Variants in ME1 observed in about 807,000 individuals in gnomAD.
The protein encoded by ME1 is NADP-dependent malic enzyme.
In ME1, 74 loss-of-function variants were observed where a neutral mutation model predicts 66.4. That is an observed-to-expected ratio of 1.11 (90% CI 0.92 to 1.35). The LOEUF is 1.35. Ranked by LOEUF, ME1 falls within the 40% of genes most tolerant of loss-of-function variation. The probability of loss-of-function intolerance (pLI) is 0.00; values close to 1 mark genes in which losing one functional copy is unlikely to be tolerated. For missense variants in ME1, 750 were observed against 694.1 expected, an observed-to-expected ratio of 1.08 and a Z score of -0.90; for synonymous variants, 251 against 235.6, an observed-to-expected ratio of 1.07 and a Z score of -0.60.
chr6:83,249,615 C>G (rs1038005858), intron 7 of ME1, among the ~76,000 whole-genome samples: 41 of 152,130 alleles, frequency 2.7e-4, no homozygotes, highest in African/African-American at 9.9e-4. Flanking sequence ...ATGAGAGAAA[C>G]ATTATCATCC....
rs535370399 is a variant in ME1 at position 83,412,019 on chromosome 6, T to C, written c.79-4118A>G. Reference sequence around the variant, plus strand: ...CAAAACTGAGACTGTCAAGCAGAAATGAAAAGAAAATTCCTGACATGACGA... The same window carrying C: ...CAAAACTGAGACTGTCAAGCAGAAACGAAAAGAAAATTCCTGACATGACGA... On this transcript the variant is annotated intron_variant, in intron 1 of 13. Coordinates refer to ENST00000369705, the MANE Select transcript of ME1 (RefSeq NM_002395.6). Among the ~76,000 whole-genome samples the C allele has an allele frequency of 3.7e-4, 57 of 152,198 alleles. 1 individual carries two copies. Among genetic ancestry groups the C allele is most frequent in the South Asian group, 3.1e-3 (15 of 4,816 alleles).
chr6:83,292,711 G>A (rs1767526718), intron 6 of ME1, among the ~76,000 whole-genome samples: 1 of 152,188 alleles, frequency 6.6e-6, no homozygotes, highest in Non-Finnish European at 1.5e-5. Context: ...CTTTTGTTCA[G>A]ATATGCTCTG....
At chr6:83,326,064 TGG>T (rs1768284569) in intron 5 of ME1, among the ~76,000 whole-genome samples, 1 of 150,768 alleles carries the variant, frequency 6.6e-6, no homozygotes, top group Non-Finnish European at 1.5e-5. Context: ...TATAGACCAA[TGG>T]AACAGAACAG....
chr6:83,311,032 G>A (rs575782763), intron 6 of ME1, among the ~76,000 whole-genome samples: 4 of 152,178 alleles, frequency 2.6e-5, no homozygotes, highest in East Asian at 1.9e-4. Context: ...CAGAGCTTTC[G>A]CATCTCACAA....
chr6:83,358,472 G>C (rs1033229805), intron 3 of ME1, among the ~76,000 whole-genome samples: 5 of 152,172 alleles, frequency 3.3e-5, no homozygotes, highest in African/African-American at 1.2e-4. Context: ...CTCAGAGTGA[G>C]AGTCTTATCT....
intron 6 of ME1, among the ~76,000 whole-genome samples, chr6:83,275,835 C>T (rs1449238116): frequency 8.0e-6 from 1 of 124,292 alleles, no homozygotes; most frequent in East Asian, 2.6e-4. Context: ...TGCAGTGGCG[C>T]GATCTCGGCT....
intron 12 of ME1, among the ~76,000 whole-genome samples, chr6:83,222,611 A>G (rs1251004974): frequency 2.0e-5 from 3 of 152,242 alleles, no homozygotes; most frequent in African/African-American, 7.2e-5. Context: ...CAACCTGATG[A>G]TTATCAAAAA....
At chr6:83,230,936 A>T (rs1228147164) in intron 9 of ME1, among the ~76,000 whole-genome samples, 1 of 152,158 alleles carries the variant, frequency 6.6e-6, no homozygotes, top group Non-Finnish European at 1.5e-5. Flanking sequence ...GTCTCAAAAA[A>T]ATAAAAAATA....
intron 3 of ME1, among the ~76,000 whole-genome samples, chr6:83,397,279 C>G (rs149795536): frequency 1.3e-5 from 2 of 152,036 alleles, no homozygotes; most frequent in African/African-American, 2.4e-5. Context: ...AACTCAGTAA[C>G]AAGAAAACAA....
chr6:83,237,227 A>AAAAGAAAGAAAGAAAGAAAGAAAGAAAG lies in ME1; in HGVS notation c.1026+462_1026+489dup, dbSNP rs71545852. 7.5e-4 allele frequency among the ~76,000 whole-genome samples: 52 copies of AAAAGAAAGAAAGAAAGAAAGAAAGAAAG among 69,030 alleles called. 5 individuals carry two copies. The highest frequency in any genetic ancestry group is 1.7e-3 in the South Asian group (3 of 1,778). 45.3% of individuals were successfully genotyped at this position (69,030 alleles called of 152,430 possible). On this transcript the variant is annotated intron_variant, in intron 9 of 13. Coordinates refer to ENST00000369705, the MANE Select transcript of ME1 (RefSeq NM_002395.6). ...GAGAGAGAGAGAGAGACAGAGAGAG[A>AAAAGAAAGAAAGAAAGAAAGAAAGAAAG]AAAGAAAGAAAGAAAGAAAGAAAGA...
intron 5 of ME1, among the ~76,000 whole-genome samples, chr6:83,344,279 C>T (rs1768644569): frequency 7.6e-6 from 1 of 132,370 alleles, no homozygotes; most frequent in Non-Finnish European, 1.6e-5. Flanking sequence ...GTGCAACATC[C>T]TATCTCTTAC....
intron 1 of ME1, among the ~76,000 whole-genome samples, chr6:83,417,192 C>A (rs367771405): frequency 6.6e-6 from 1 of 152,006 alleles, no homozygotes; most frequent in East Asian, 1.9e-4. Context: ...TGGAACTATA[C>A]GCATACACCA....
intron 9 of ME1, among the ~76,000 whole-genome samples, chr6:83,237,314 GA>G (rs372928433): frequency 0.095 from 5,951 of 62,518 alleles, 510 homozygotes; most frequent in African/African-American, 0.14. Flanking sequence ...AAGAAAGAAA[GA>G]AAAGGAAGGA....
intron 3 of ME1, among the ~76,000 whole-genome samples, chr6:83,397,798 TAAA>T (rs1677189460): frequency 6.6e-6 from 1 of 152,156 alleles, no homozygotes. Flanking sequence ...CACTCAGCCT[TAAA>T]GAAGAAAGAA....
chr6:83,263,582 G>C (rs1300203585), intron 6 of ME1, among the ~76,000 whole-genome samples: 1 of 152,024 alleles, frequency 6.6e-6, no homozygotes, highest in Non-Finnish European at 1.5e-5. Flanking sequence ...GAGTGATCTG[G>C]ATAGATTAAG....
intron 3 of ME1, among the ~76,000 whole-genome samples, chr6:83,371,912 T>C (rs950831924): frequency 1.3e-5 from 2 of 152,194 alleles, no homozygotes; most frequent in Non-Finnish European, 2.9e-5. Flanking sequence ...TTTGGGGTGT[T>C]GTGCCTGAAT....
chr6:83,237,064 C>T (rs970080648), intron 9 of ME1, among the ~76,000 whole-genome samples: 6 of 149,786 alleles, frequency 4.0e-5, no homozygotes, highest in South Asian at 2.1e-4. Flanking sequence ...CCGGATATGG[C>T]GGCCTGTGGT....
At position 83,333,057 on chromosome 6, in the gene ME1, A is replaced by C. The variant is rs555404149; in HGVS notation, c.600+13116T>G. On this transcript the variant is annotated intron_variant, in intron 5 of 13. Coordinates refer to ENST00000369705, the MANE Select transcript of ME1 (RefSeq NM_002395.6). ...AAGTGTATCTTTATGGCAAGTGAAG[A>C]CTGTCTTATTAACTGGCAGCTAATT... Among the ~76,000 whole-genome samples the C allele has an allele frequency of 3.3e-5, 5 of 152,300 alleles. No individual in the cohort carries two copies. The South Asian group carries it at 6.2e-4, about 19-fold the overall frequency.
chr6:83,315,170 T>C (rs1251053246), intron 6 of ME1, 140 bp downstream of exon 6: 4 of 592,038 alleles, frequency 6.8e-6, no homozygotes, highest in African/African-American at 5.7e-5. Flanking sequence ...TTAACAGTTA[T>C]GAGGAAATAG....
Sources: gnomAD v4.1 joint callset for allele counts (sites outside exome capture counted in the v4.1 genomes callset) on GRCh38, gnomAD v4.1.1 for gene constraint, MANE v1.5 for transcripts, NCBI Gene and HGNC (gene_info 2026-07-23, HGNC 2026-07-21) for gene names.